The following RCAN1 variants were observed in gnomAD, a reference collection of about 807,000 sequenced individuals.
The protein encoded by RCAN1 is regulator of calcineurin 1, also known as calcipressin-1.
Under a neutral mutation model 22.9 loss-of-function variants are expected in RCAN1, and 11 were observed. That is an observed-to-expected ratio of 0.48 (90% CI 0.30 to 0.79). The LOEUF is 0.79. Ranked by LOEUF, RCAN1 falls within the 30% of genes least tolerant of loss-of-function variation. The probability of loss-of-function intolerance (pLI) is 0.06; values close to 1 mark genes in which losing one functional copy is unlikely to be tolerated. For synonymous variants in RCAN1, 136 were observed against 142.3 expected (o/e 0.96, Z 0.32); for missense variants, 291 against 337.8 (o/e 0.86, Z 1.09).
intron 1 of RCAN1, among the ~76,000 whole-genome samples, chr21:34,606,357 C>T (rs1988526030): frequency 6.6e-6 from 1 of 152,172 alleles, no homozygotes; most frequent in South Asian, 2.1e-4. Context: ...TTTATACTTT[C>T]TCTAATAAAT....
At chr21:34,582,703 G>C (rs1220815250) in intron 1 of RCAN1, among the ~76,000 whole-genome samples, 2 of 152,170 alleles carry the variant, frequency 1.3e-5, no homozygotes, top group African/African-American at 4.8e-5. Context: ...CAAGAGAGTG[G>C]CCAGGTTTGA....
intron 1 of RCAN1, among the ~76,000 whole-genome samples, chr21:34,609,391 T>C (rs980592964): frequency 1.3e-5 from 2 of 152,212 alleles, no homozygotes; most frequent in African/African-American, 4.8e-5. Context: ...ATAGACAATG[T>C]ACACCCAGGG....
intron 1 of RCAN1, among the ~76,000 whole-genome samples, chr21:34,585,760 A>AAAAAAC (rs1987772491): frequency 6.6e-6 from 1 of 150,636 alleles, no homozygotes; most frequent in African/African-American, 2.4e-5. Flanking sequence ...AAAAAAAAAA[A>AAAAAAC]AAAACATAAT....
At chr21:34,584,465 C>A (rs938361559) in intron 1 of RCAN1, among the ~76,000 whole-genome samples, 2 of 152,174 alleles carry the variant, frequency 1.3e-5, no homozygotes, top group South Asian at 4.1e-4. Context: ...AATGATAGTT[C>A]GTTCTTGTGA....
rs547563343 is a variant in RCAN1 at position 34,566,624 on chromosome 21, G to A, written c.253-42914C>T. ...AACTCACTTCACTGTTCTCTGACCT[G>A]ATGGTTTTTGTGTTGGTCCCTGCTG... is the stretch of plus-strand genomic sequence containing the variant. On this transcript the variant is annotated intron_variant, in intron 1 of 3. Coordinates refer to ENST00000313806, the MANE Select transcript of RCAN1 (RefSeq NM_004414.7). Among the ~76,000 whole-genome samples the A allele has an allele frequency of 2.6e-5, 4 of 152,234 alleles. No individual in the cohort carries two copies. In the East Asian group the frequency reaches 5.8e-4, roughly 22 times the overall value.
rs1293888402 is a variant in RCAN1, at chr21:34,561,144, T to C, written c.253-37434A>G. On this transcript the variant is annotated intron_variant, in intron 1 of 3. Transcript: ENST00000313806. ...CCTGCTTCTCCTTTGCCTTCCTCCA[T>C]GATTGTAAGTTTCCTGAGGCCTCCC... Among the ~76,000 whole-genome samples, 5 of 152,308 alleles carry C rather than the reference T, an allele frequency of 3.3e-5. No individual in the cohort carries two copies. The East Asian group carries it at 5.8e-4, about 18-fold the overall frequency.
At chr21:34,547,552 C>T (rs1486514820) in intron 1 of RCAN1, among the ~76,000 whole-genome samples, 3 of 152,176 alleles carry the variant, frequency 2.0e-5, no homozygotes, top group African/African-American at 7.2e-5. Flanking sequence ...TTGAATGTGT[C>T]CCCCAAAAGT....
At chr21:34,576,361 C>T (rs112177349) in intron 1 of RCAN1, among the ~76,000 whole-genome samples, 2 of 152,190 alleles carry the variant, frequency 1.3e-5, no homozygotes, top group African/African-American at 2.4e-5. Flanking sequence ...AGAGTTGGGG[C>T]CCCTCCAACG....
intron 1 of RCAN1, among the ~76,000 whole-genome samples, chr21:34,541,649 C>T (rs1015205213): frequency 1.3e-5 from 2 of 152,148 alleles, no homozygotes; most frequent in Admixed American, 6.5e-5. Context: ...AAATGCTATT[C>T]ACGGGGCGGG....
rs143577344 is a variant in RCAN1, at chr21:34,534,138, C to T, written c.253-10428G>A. Among the ~76,000 whole-genome samples the T allele has an allele frequency of 3.9e-3, 593 of 152,170 alleles. 3 individuals are homozygous for T. Among genetic ancestry groups the T allele is most frequent in the African/African-American group, 0.014 (564 of 41,510 alleles). On this transcript the variant is annotated intron_variant, in intron 1 of 3. Transcript: ENST00000313806. ...TCTGGTTTCTGTGTTCAGAATACAG[C>T]GAAGGGGCGAGGGGGAAGCAAGGTA...
At chr21:34,540,609 A>G (rs748915978) in intron 1 of RCAN1, among the ~76,000 whole-genome samples, 3 of 152,190 alleles carry the variant, frequency 2.0e-5, no homozygotes, top group Non-Finnish European at 4.4e-5. Flanking sequence ...CTTCATAAAC[A>G]TTTGTTGAAC....
At chr21:34,610,899 T>C (rs760508391) in intron 1 of RCAN1, among the ~76,000 whole-genome samples, 1 of 152,136 alleles carries the variant, frequency 6.6e-6, no homozygotes, top group African/African-American at 2.4e-5. Flanking sequence ...CTTAGGTGAG[T>C]TGTTTTTGTT....
At chr21:34,567,523 C>T (rs1987069932) in intron 1 of RCAN1, among the ~76,000 whole-genome samples, 2 of 149,936 alleles carry the variant, frequency 1.3e-5, no homozygotes, top group Admixed American at 1.3e-4. Context: ...CCACTGCACC[C>T]CAGCCTGGAA....
chr21:34,533,249 C>T (rs969429564), intron 1 of RCAN1, among the ~76,000 whole-genome samples: 39 of 152,294 alleles, frequency 2.6e-4, no homozygotes, highest in African/African-American at 8.7e-4. Flanking sequence ...CGTGAGCCAC[C>T]GCGCCAGGCC....
intron 2 of RCAN1, among the ~76,000 whole-genome samples, chr21:34,523,280 G>T (rs1292265012): frequency 1.3e-5 from 2 of 152,208 alleles, no homozygotes; most frequent in Non-Finnish European, 2.9e-5. Flanking sequence ...GCTCCCCAGT[G>T]AACAGGGAAG....
At chr21:34,613,093 G>A (rs1023138932) in intron 1 of RCAN1, among the ~76,000 whole-genome samples, 2 of 152,180 alleles carry the variant, frequency 1.3e-5, no homozygotes, top group African/African-American at 4.8e-5. Flanking sequence ...ACCAGTGGCT[G>A]GAACACAGTA....
At chr21:34,543,244 C>T (rs1329703380) in intron 1 of RCAN1, among the ~76,000 whole-genome samples, 1 of 152,192 alleles carries the variant, frequency 6.6e-6, no homozygotes, top group Non-Finnish European at 1.5e-5. Context: ...GCAGGTGTGA[C>T]TAAGCTAAGG....
intron 1 of RCAN1, among the ~76,000 whole-genome samples, chr21:34,543,791 G>A (rs530079178): frequency 1.1e-4 from 17 of 152,318 alleles, no homozygotes; most frequent in Non-Finnish European, 2.4e-4. Context: ...AGGCTTGGGT[G>A]TCAGATGGGC....
rs1016188440 is a variant in RCAN1 at position 34,523,685 on chromosome 21, G to A, written c.278C>T (p.Thr93Met). ...CTGAAAGGTGATGTCCTTGTCATAC[G>A]TCCTAAAGAGGGACTCAAATTTGGC... ...CRAKFESLFR[T>M]YDKDITFQYF... Residue 93 changes from threonine (T) to methionine (M), a missense_variant, in exon 2 of 4, where the codon ACG becomes ATG. By Grantham distance (81) the Thr-to-Met change is moderately conservative. Coordinates refer to ENST00000313806, the MANE Select transcript of RCAN1 (RefSeq NM_004414.7). 10 of 1,606,552 alleles carry A rather than the reference G, an allele frequency of 6.2e-6. No individual in the cohort carries two copies. Among genetic ancestry groups the A allele is most frequent in the Admixed American group, 3.5e-5 (2 of 57,746 alleles).
Sources: gnomAD v4.1 joint callset for allele counts (sites outside exome capture counted in the v4.1 genomes callset) on GRCh38, gnomAD v4.1.1 for gene constraint, MANE v1.5 for transcripts, NCBI Gene and HGNC (gene_info 2026-07-23, HGNC 2026-07-21) for gene names.